Variants in SLCO2A1 observed in about 807,000 individuals in gnomAD.
SLCO2A1 encodes the protein solute carrier organic anion transporter family member 2A1.
In SLCO2A1, 60 loss-of-function variants were observed where a neutral mutation model predicts 71.7. That is an observed-to-expected ratio of 0.84 (90% confidence interval 0.68 to 1.04). SLCO2A1 has a LOEUF of 1.04. Ranked by LOEUF, SLCO2A1 falls within the 50% of genes least tolerant of loss-of-function variation. The pLI is 0.00. For missense variants in SLCO2A1, 745 were observed against 813.4 expected (o/e 0.92, Z 1.02); for synonymous variants, 308 against 326.7 (o/e 0.94, Z 0.62).
chr3:133,990,292 T>C (rs955009267), intron 1 of SLCO2A1, among the ~76,000 whole-genome samples: 1 of 152,248 alleles, frequency 6.6e-6, no homozygotes, highest in African/African-American at 2.4e-5. Context: ...TTTTTTGTCA[T>C]TGATTTTTCT....
Position 133,948,879 on chromosome 3 carries a change from G to A in SLCO2A1, c.940+14C>T, listed in dbSNP as rs760387852. 2.5e-6 allele frequency: 4 copies of A among 1,612,876 alleles called. No homozygotes were observed. The African/African-American group carries it at 5.3e-5, about 22-fold the overall frequency. On this transcript the variant is annotated intron_variant, in intron 7 of 13. Transcript: ENST00000310926. Reference sequence around the variant, plus strand: ...GCACTGTGCCAGCCCACCCAGGGCTGTAGGGTCAGTTACGTTTAATGAAAT... The same window carrying A: ...GCACTGTGCCAGCCCACCCAGGGCTATAGGGTCAGTTACGTTTAATGAAAT...
intron 1 of SLCO2A1, among the ~76,000 whole-genome samples, chr3:134,024,618 G>A (rs1033157265): frequency 1.3e-5 from 2 of 152,208 alleles, no homozygotes; most frequent in African/African-American, 2.4e-5. Context: ...AAAACAACTA[G>A]ACGGGGTTTC....
intron 4 of SLCO2A1, among the ~76,000 whole-genome samples, chr3:133,954,402 T>C (rs1576432390): frequency 6.6e-6 from 1 of 152,146 alleles, no homozygotes; most frequent in Non-Finnish European, 1.5e-5. Flanking sequence ...CCTCAGGTGA[T>C]CCGCCTGCCT....
At chr3:133,980,268 T>C (rs1934558422) in intron 1 of SLCO2A1, among the ~76,000 whole-genome samples, 1 of 152,238 alleles carries the variant, frequency 6.6e-6, no homozygotes, top group South Asian at 2.1e-4. Flanking sequence ...TGTGACTGAC[T>C]GTGCTTGCTG....
intron 1 of SLCO2A1, among the ~76,000 whole-genome samples, chr3:134,029,473 A>AACAT (rs1935773071): frequency 6.7e-6 from 1 of 149,890 alleles, no homozygotes; most frequent in Admixed American, 6.6e-5. Flanking sequence ...AAGGCGTGTG[A>AACAT]ACACACACAC....
chr3:133,987,159 C>T (rs1934736139), intron 1 of SLCO2A1, among the ~76,000 whole-genome samples: 2 of 138,348 alleles, frequency 1.4e-5, no homozygotes, highest in Admixed American at 1.4e-4. Flanking sequence ...GCCCCGCCAC[C>T]CCCACCCATC....
chr3:133,982,700 G>A (rs769994638), intron 1 of SLCO2A1, among the ~76,000 whole-genome samples: 61 of 152,050 alleles, frequency 4.0e-4, no homozygotes, highest in Non-Finnish European at 8.2e-4. Context: ...CTCTTCTACT[G>A]GTGTAAGCCT....
intron 1 of SLCO2A1, among the ~76,000 whole-genome samples, chr3:133,985,564 C>T (rs567996188): frequency 5.3e-5 from 8 of 152,204 alleles, no homozygotes; most frequent in Non-Finnish European, 1.0e-4. Flanking sequence ...TATCTCCTCA[C>T]TCGACTTTTT....
chr3:133,961,901 C>A (rs926454863), intron 3 of SLCO2A1, among the ~76,000 whole-genome samples: 24 of 152,242 alleles, frequency 1.6e-4, no homozygotes, highest in Non-Finnish European at 1.3e-4. Flanking sequence ...GAGGTCAGTG[C>A]TATCAGAGAA....
chr3:133,953,034 T>C (rs972167868), intron 5 of SLCO2A1, among the ~76,000 whole-genome samples: 1 of 151,950 alleles, frequency 6.6e-6, no homozygotes, highest in Non-Finnish European at 1.5e-5. Context: ...CAAAGAACCA[T>C]AGAATTTTTT....
At chr3:134,016,003 A>T (rs184744032) in intron 1 of SLCO2A1, among the ~76,000 whole-genome samples, 157 of 152,296 alleles carry the variant, frequency 1.0e-3, no homozygotes, top group African/African-American at 3.6e-3. Context: ...CAAACAAAAA[A>T]AACACCTTAA....
At chr3:133,936,846 G>C (rs1308341199) in intron 12 of SLCO2A1, among the ~76,000 whole-genome samples, 2 of 152,122 alleles carry the variant, frequency 1.3e-5, no homozygotes, top group East Asian at 3.9e-4. Context: ...GGTGAACAGG[G>C]GGATGAAAAC....
intron 1 of SLCO2A1, among the ~76,000 whole-genome samples, chr3:133,981,676 A>G (rs139688196): frequency 1.3e-5 from 2 of 152,294 alleles, no homozygotes; most frequent in East Asian, 3.9e-4. Context: ...GATGTGAAAG[A>G]TTAGAAAAAG....
chr3:133,979,179 T>A (rs114518489), intron 2 of SLCO2A1, among the ~76,000 whole-genome samples: 2 of 152,328 alleles, frequency 1.3e-5, no homozygotes, highest in Non-Finnish European at 2.9e-5. Flanking sequence ...CTCCTGAGCC[T>A]CAGCATCCTT....
At chr3:133,944,869 A>G (rs1476411847) in intron 10 of SLCO2A1, among the ~76,000 whole-genome samples, 2 of 152,256 alleles carry the variant, frequency 1.3e-5, no homozygotes, top group Non-Finnish European at 2.9e-5. Context: ...TTTGTTGGAC[A>G]TCGGCCAGTC....
At chr3:134,006,127 G>C (rs1935209824) in intron 1 of SLCO2A1, among the ~76,000 whole-genome samples, 1 of 152,122 alleles carries the variant, frequency 6.6e-6, no homozygotes, top group South Asian at 2.1e-4. Flanking sequence ...TGCAATCATG[G>C]CTAAAAGCAT....
Position 133,942,723 on chromosome 3 carries a change from T to C in SLCO2A1, c.1507A>G (p.Lys503Glu). 1.9e-6 allele frequency: 3 copies of C among 1,612,010 alleles called. No homozygotes were observed. Among genetic ancestry groups the C allele is most frequent in the Non-Finnish European group, 1.7e-6 (2 of 1,179,142 alleles). The change falls in exon 11 of 14, where the codon AAG (lysine) becomes GAG (glutamate). Residue 503 changes from lysine to glutamate, a missense_variant. Coordinates refer to ENST00000310926, the MANE Select transcript of SLCO2A1 (RefSeq NM_005630.3). ...CAGGGGACAGGGCACGATCCTGTCT[T>C]TGCTGAAGCGGATCCCCCGGTCACA... Reference protein sequence around the residue: ...SCVTGGSASAKTGSCPVPCAH... With the variant: ...SCVTGGSASAETGSCPVPCAH...
chr3:133,985,054 C>T (rs1374942811), intron 1 of SLCO2A1, among the ~76,000 whole-genome samples: 1 of 152,220 alleles, frequency 6.6e-6, no homozygotes, highest in East Asian at 1.9e-4. Flanking sequence ...AAGCTACCTC[C>T]ACTCCCTCCT....
At chr3:133,954,097 G>A (rs1282046558) in intron 4 of SLCO2A1, among the ~76,000 whole-genome samples, 3 of 151,922 alleles carry the variant, frequency 2.0e-5, no homozygotes, top group African/African-American at 4.8e-5. Flanking sequence ...AGAGCCTGTG[G>A]GGGTGGTCTG....
Sources: allele counts gnomAD v4.1 joint callset (sites outside exome capture counted in the v4.1 genomes callset), GRCh38; gene constraint gnomAD v4.1.1; transcripts MANE v1.5; gene names NCBI Gene and HGNC (gene_info 2026-07-23, HGNC 2026-07-21).